Variants in IKZF3 observed in about 807,000 individuals in gnomAD.
IKZF3 encodes zinc finger protein Aiolos.
In IKZF3, 10 loss-of-function variants were observed where a neutral mutation model predicts 49.0. The ratio of observed to expected loss-of-function variants is 0.20; its 90% CI spans 0.13 to 0.35. The LOEUF (loss-of-function observed/expected upper bound fraction) is 0.35, where lower values mean the gene tolerates loss of function less well. IKZF3 is among the 10% of genes least tolerant of loss of function. The pLI is 1.00. For missense variants in IKZF3, 498 were observed against 664.8 expected (o/e 0.75, Z 2.76); for synonymous variants, 209 against 228.2 (o/e 0.92, Z 0.76).
chr17:39,843,671 C>T (rs764789010), intron 1 of IKZF3, among the ~76,000 whole-genome samples: 26 of 151,782 alleles, frequency 1.7e-4, no homozygotes, highest in Admixed American at 2.6e-4. Context: ...AGTGTAGTTT[C>T]GAAGAGAAAA....
chr17:39,846,504 T>TTTC (rs1299120248), intron 1 of IKZF3, among the ~76,000 whole-genome samples: 11 of 151,414 alleles, frequency 7.3e-5, no homozygotes, highest in Admixed American at 5.3e-4. Flanking sequence ...TTTTTTTTTT[T>TTTC]TTCAGAGTTT....
chr17:39,843,334 T>G (rs932420357), intron 1 of IKZF3, among the ~76,000 whole-genome samples: 3 of 152,078 alleles, frequency 2.0e-5, no homozygotes, highest in African/African-American at 4.8e-5. Flanking sequence ...AGAAAAAAAG[T>G]TTTTTTGTGC....
At chr17:39,841,754 A>G (rs531047365) in intron 1 of IKZF3, among the ~76,000 whole-genome samples, 4 of 152,194 alleles carry the variant, frequency 2.6e-5, no homozygotes, top group African/African-American at 4.8e-5. Flanking sequence ...TACTATATAT[A>G]AAAAGATAGG....
intron 3 of IKZF3, among the ~76,000 whole-genome samples, chr17:39,793,353 T>C (rs942683689): frequency 2.0e-5 from 3 of 152,210 alleles, no homozygotes; most frequent in Non-Finnish European, 4.4e-5. Context: ...GAGAAAATAT[T>C]GTTTGAATCC....
intron 7 of IKZF3, among the ~76,000 whole-genome samples, chr17:39,769,606 T>G (rs912919454): frequency 4.6e-5 from 7 of 152,210 alleles, no homozygotes; most frequent in Non-Finnish European, 2.9e-5. Context: ...CAGACATTCA[T>G]TCCCTAGAAT....
chr17:39,758,930 C>T lies in IKZF3; in HGVS notation c.*6860G>A, dbSNP rs1001199521. ...TTTCCACTGAAAATTTACAATCATC[C>T]AACATAATGCACACCACCCCTCAAA... is the stretch of plus-strand genomic sequence containing the variant. On this transcript the variant is annotated 3_prime_UTR_variant, in exon 8 of 8. Coordinates refer to ENST00000346872, the MANE Select transcript of IKZF3 (RefSeq NM_012481.5). The T allele has an allele frequency of 6.7e-6, 1 of 150,034 alleles. No individual in the cohort carries two copies. The highest frequency in any genetic ancestry group is 2.5e-5 in the African/African-American group (1 of 40,468). The allele number at this position is 150,034 out of a possible 1,614,324, so 9.3% of individuals were successfully genotyped here. A position where few individuals can be genotyped will look rare whatever the true frequency, so the allele number is the denominator to read the frequency against.
intron 3 of IKZF3, among the ~76,000 whole-genome samples, chr17:39,816,758 G>A (rs9902621): frequency 0.057 from 8,694 of 152,218 alleles, 382 homozygotes; most frequent in African/African-American, 0.12. Context: ...TCACTCCGTC[G>A]CCCAGGCTTG....
At chr17:39,854,043 T>A (rs1456104704) in intron 1 of IKZF3, among the ~76,000 whole-genome samples, 1 of 152,134 alleles carries the variant, frequency 6.6e-6, no homozygotes, top group Non-Finnish European at 1.5e-5. Flanking sequence ...GGAGAATCAC[T>A]TGAACCTGGG....
chr17:39,790,407 G>A (rs1388968436), intron 5 of IKZF3, among the ~76,000 whole-genome samples: 1 of 152,176 alleles, frequency 6.6e-6, no homozygotes, highest in Non-Finnish European at 1.5e-5. Context: ...CTGTAAAAGA[G>A]AGAAACCCTT....
At chr17:39,850,042 T>TAA (rs1568061996) in intron 1 of IKZF3, among the ~76,000 whole-genome samples, 1 of 144,696 alleles carries the variant, frequency 6.9e-6, no homozygotes, top group Non-Finnish European at 1.5e-5. Flanking sequence ...TGTATATATA[T>TAA]AATATATAGT....
chr17:39,804,636 T>C (rs562142796), intron 3 of IKZF3, among the ~76,000 whole-genome samples: 1 of 152,260 alleles, frequency 6.6e-6, no homozygotes, highest in Admixed American at 6.5e-5. Context: ...ATAAGGTCCA[T>C]GGCCCACAGT....
chr17:39,860,768 A>T (rs1028023071), intron 1 of IKZF3, among the ~76,000 whole-genome samples: 2 of 152,182 alleles, frequency 1.3e-5, no homozygotes, highest in South Asian at 2.1e-4. Context: ...TACCTATAGG[A>T]CACTATGCTC....
chr17:39,798,093 T>C lies in IKZF3; in HGVS notation c.164-5160A>G, dbSNP rs76278978. On this transcript the variant is annotated intron_variant, in intron 3 of 7. Transcript: ENST00000346872. ...TTCTATCTGTGTATCCAATCTCTAA[T>C]CTGTTTCTCCACTCCTGTATTTTGC... 4.6e-3 allele frequency among the ~76,000 whole-genome samples: 700 copies of C among 152,272 alleles called. 10 individuals carry two copies. The highest frequency in any genetic ancestry group is 0.016 in the African/African-American group (668 of 41,558).
chr17:39,791,381 T>TTCCTAGACAAGGAATGC (rs2061017253), intron 5 of IKZF3, 35 bp downstream of exon 5: 1 of 1,608,552 alleles, frequency 6.2e-7, no homozygotes, highest in Non-Finnish European at 8.5e-7. Flanking sequence ...AGGAATGCAC[T>TTCCTAGACAAGGAATGC]TCCTAGACAA....
chr17:39,836,986 C>T (rs111691913), intron 1 of IKZF3, among the ~76,000 whole-genome samples: 3,594 of 152,140 alleles, frequency 0.024, 59 homozygotes, highest in Non-Finnish European at 0.036. Flanking sequence ...GGCTGGAGTG[C>T]AGTGGCACAA....
chr17:39,835,545 T>G, intron 1 of IKZF3: 1 of 432,886 alleles, frequency 2.3e-6, no homozygotes, highest in East Asian at 5.7e-5. Context: ...CTGCAGCTCC[T>G]CATACTTGAT....
intron 1 of IKZF3, among the ~76,000 whole-genome samples, chr17:39,848,676 GATTT>G (rs34233420): frequency 0.38 from 57,395 of 151,528 alleles, 11,904 homozygotes; most frequent in Non-Finnish European, 0.46. Context: ...AGTAGGTAAA[GATTT>G]ATTTTTCTTT....
At chr17:39,770,686 T>G (rs2060415090) in intron 7 of IKZF3, among the ~76,000 whole-genome samples, 1 of 151,906 alleles carries the variant, frequency 6.6e-6, no homozygotes, top group African/African-American at 2.4e-5. Flanking sequence ...CCTTGCACTG[T>G]GCCTTATATA....
chr17:39,759,149 C>T lies in IKZF3; in HGVS notation c.*6641G>A, dbSNP rs1221674455. 2 of 152,144 alleles carry T rather than the reference C, an allele frequency of 1.3e-5. No individual in the cohort carries two copies. Among genetic ancestry groups the T allele is most frequent in the Non-Finnish European group, 2.9e-5 (2 of 68,068 alleles). 9.4% of individuals were successfully genotyped at this position (152,144 alleles called of 1,614,324 possible). A position where few individuals can be genotyped will look rare whatever the true frequency, so the allele number is the denominator to read the frequency against. On this transcript the variant is annotated 3_prime_UTR_variant, in exon 8 of 8. Coordinates refer to ENST00000346872, the MANE Select transcript of IKZF3 (RefSeq NM_012481.5). ...AAGAAACTCAGGCCAGCCGCGGTGC[C>T]TCACGCCTGTAACCCCAACACTTTG...
Sources: gnomAD v4.1 joint callset for allele counts (sites outside exome capture counted in the v4.1 genomes callset) on GRCh38, gnomAD v4.1.1 for gene constraint, MANE v1.5 for transcripts, NCBI Gene and HGNC (gene_info 2026-07-23, HGNC 2026-07-21) for gene names.